HBS1L: variants seen among roughly 807,000 people sequenced by gnomAD.
The protein encoded by HBS1L is HBS1 like translational GTPase, also known as HBS1-like protein.
Under a neutral mutation model 88.9 loss-of-function variants are expected in HBS1L, and 55 were observed. The ratio of observed to expected loss-of-function variants is 0.62; its 90% CI spans 0.50 to 0.77. The LOEUF (loss-of-function observed/expected upper bound fraction) is 0.77, where lower values mean the gene tolerates loss of function less well. HBS1L is among the 30% of genes least tolerant of loss of function. The pLI, the probability that HBS1L is intolerant of heterozygous loss-of-function variation, is 0.00. For synonymous variants in HBS1L, 267 were observed against 288.5 expected (o/e 0.93, Z 0.76); for missense variants, 741 against 829.3 (o/e 0.89, Z 1.31).
At chr6:134,986,671 T>C (rs140846356) in intron 10 of HBS1L, 65 bp downstream of exon 10, 458 of 745,462 alleles carry the variant, frequency 6.1e-4, no homozygotes, top group Non-Finnish European at 8.8e-4. Flanking sequence ...AGTATTAGTT[T>C]TTCCTCTCAT....
chr6:135,039,544 C>T, intron 4 of HBS1L, 29 bp downstream of exon 4: 1 of 1,578,348 alleles, frequency 6.3e-7, no homozygotes, highest in Non-Finnish European at 8.7e-7. Flanking sequence ...CTATGTAAAA[C>T]AAGTGAAAAA....
At chr6:134,983,068 G>A (rs1372562225) in intron 12 of HBS1L, 2 of 152,314 alleles carry the variant, frequency 1.3e-5, no homozygotes, top group Non-Finnish European at 2.9e-5. Context: ...TGAGTAGGGA[G>A]AAAAAGGAAG....
At chr6:134,987,002 A>G (rs1380715432) in intron 9 of HBS1L, among the ~76,000 whole-genome samples, 192 bp from the exon 10 acceptor site, 5 of 152,178 alleles carry the variant, frequency 3.3e-5, no homozygotes, top group Admixed American at 2.6e-4. Context: ...GCTCAAAGGC[A>G]TTTTAATCAG....
At chr6:135,023,907 CATG>C (rs1458045523) in intron 4 of HBS1L, among the ~76,000 whole-genome samples, 4 of 152,158 alleles carry the variant, frequency 2.6e-5, no homozygotes, top group African/African-American at 7.2e-5. Flanking sequence ...TTAAATTATA[CATG>C]ATACTTTTTC....
intron 15 of HBS1L, among the ~76,000 whole-genome samples, chr6:134,976,486 C>A (rs1774651110): frequency 6.6e-6 from 1 of 152,082 alleles, no homozygotes; most frequent in Admixed American, 6.6e-5. Context: ...TTTACAGTTG[C>A]AAGAATGTGG....
intron 4 of HBS1L, among the ~76,000 whole-genome samples, chr6:135,019,782 G>A (rs1290934273): frequency 6.6e-6 from 1 of 151,816 alleles, no homozygotes; most frequent in Non-Finnish European, 1.5e-5. Flanking sequence ...GAATTCATGT[G>A]TGAGCAAGAT....
intron 2 of HBS1L, among the ~76,000 whole-genome samples, chr6:135,046,606 C>A (rs548276340): frequency 2.6e-5 from 4 of 152,286 alleles, no homozygotes; most frequent in African/African-American, 9.6e-5. Context: ...CACCTATAAT[C>A]CTGGCACTTT....
intron 1 of HBS1L, among the ~76,000 whole-genome samples, chr6:135,053,999 TA>T (rs1777166162): frequency 1.3e-5 from 2 of 152,236 alleles, no homozygotes; most frequent in African/African-American, 2.4e-5. Context: ...AAAATACATT[TA>T]TATCAAGCAT....
intron 1 of HBS1L, among the ~76,000 whole-genome samples, chr6:135,051,661 C>G (rs532212846): frequency 2.0e-4 from 30 of 152,324 alleles, no homozygotes; most frequent in Non-Finnish European, 3.8e-4. Flanking sequence ...CGCCTGTTCA[C>G]TACATGAGAC....
At chr6:134,982,748 A>C in intron 12 of HBS1L, 186 bp from the exon 13 acceptor site, 1 of 379,588 alleles carries the variant, frequency 2.6e-6, no homozygotes, top group Non-Finnish European at 4.7e-6. Flanking sequence ...TTTTTTTTGC[A>C]AATAAAAATA....
chr6:134,974,018 AAT>A (rs975974900), intron 15 of HBS1L, among the ~76,000 whole-genome samples: 40 of 152,168 alleles, frequency 2.6e-4, no homozygotes, highest in African/African-American at 9.4e-4. Flanking sequence ...CCTCTTAAAA[AAT>A]ATAGAGTAAG....
At chr6:135,053,064 GC>G (rs1777137010) in intron 1 of HBS1L, among the ~76,000 whole-genome samples, 21 of 152,180 alleles carry the variant, frequency 1.4e-4, no homozygotes, top group Admixed American at 1.4e-3. Context: ...TACAGGAACA[GC>G]TTGGTTATGA....
rs946223221 is a variant in HBS1L, at chr6:135,027,531, G to C, written c.430+12042C>G. On this transcript the variant is annotated intron_variant, in intron 4 of 17. Transcript: ENST00000367837. Reference sequence around the variant, plus strand: ...GAACCCATCAGCCACTGCAAATGTAGTATTCATAGGAAAGTAAGATATAAT... The same window carrying C: ...GAACCCATCAGCCACTGCAAATGTACTATTCATAGGAAAGTAAGATATAAT... 9.2e-5 allele frequency among the ~76,000 whole-genome samples: 14 copies of C among 152,232 alleles called. 1 individual carries two copies. The highest frequency in any genetic ancestry group is 2.6e-4 in the Admixed American group (4 of 15,292).
intron 17 of HBS1L, among the ~76,000 whole-genome samples, chr6:134,965,787 A>G (rs1041153311): frequency 2.6e-5 from 4 of 152,208 alleles, no homozygotes; most frequent in Non-Finnish European, 5.9e-5. Flanking sequence ...ACCGCCTTCC[A>G]TATGTATTTT....
chr6:134,976,327 G>A lies in HBS1L; in HGVS notation c.1797+2352C>T, dbSNP rs11965140. 2.9e-3 allele frequency among the ~76,000 whole-genome samples: 439 copies of A among 152,196 alleles called. 2 individuals carry two copies. Among genetic ancestry groups the A allele is most frequent in the African/African-American group, 9.6e-3 (397 of 41,562 alleles). ...GCTGGTAGGAATGTGGATTGGTATAGCCTCTGAGGAAAACAGAACAGAGAT... is the reference window on the plus strand; with the variant it reads ...GCTGGTAGGAATGTGGATTGGTATAACCTCTGAGGAAAACAGAACAGAGAT... On this transcript the variant is annotated intron_variant, in intron 15 of 17. Coordinates refer to ENST00000367837, the MANE Select transcript of HBS1L (RefSeq NM_006620.4).
chr6:135,024,330 C>T (rs1776159898), intron 4 of HBS1L, among the ~76,000 whole-genome samples: 1 of 151,322 alleles, frequency 6.6e-6, no homozygotes, highest in Non-Finnish European at 1.5e-5. Context: ...GTCCCAGCTA[C>T]TCCGGAGGCT....
intron 10 of HBS1L, 78 bp downstream of exon 10, chr6:134,986,658 C>A: frequency 1.7e-6 from 1 of 583,292 alleles, no homozygotes; most frequent in South Asian, 3.2e-5. Context: ...ATAAGAATAT[C>A]AAAGTATTAG....
intron 3 of HBS1L, among the ~76,000 whole-genome samples, chr6:135,040,344 C>CT (rs71006751): frequency 0.04 from 4,347 of 109,512 alleles, 282 homozygotes; most frequent in African/African-American, 0.1. Flanking sequence ...GATAGGCATT[C>CT]TTTTTTTTTT....
intron 13 of HBS1L, among the ~76,000 whole-genome samples, chr6:134,979,749 G>A (rs929669725): frequency 6.6e-6 from 1 of 151,956 alleles, no homozygotes; most frequent in African/African-American, 2.4e-5. Context: ...AGTAACCCAT[G>A]GGACATGTAC....
Sources: allele counts gnomAD v4.1 joint callset (sites outside exome capture counted in the v4.1 genomes callset), GRCh38; gene constraint gnomAD v4.1.1; transcripts MANE v1.5; gene names NCBI Gene and HGNC (gene_info 2026-07-23, HGNC 2026-07-21).